Variants in SLC29A2 observed in about 807,000 individuals in gnomAD.
The protein encoded by SLC29A2 is equilibrative nucleoside transporter 2.
A neutral mutation model predicts 48.8 loss-of-function variants in SLC29A2; 37 were observed. The observed-to-expected ratio is 0.76, with a 90% CI of 0.58 to 1.00. SLC29A2 has a LOEUF of 1.00. Ranked by LOEUF, SLC29A2 falls within the 50% of genes least tolerant of loss-of-function variation. The pLI is 0.00. For missense variants in SLC29A2, 533 were observed against 578.6 expected, an observed-to-expected ratio of 0.92 and a Z score of 0.81; for synonymous variants, 233 against 261.7, an observed-to-expected ratio of 0.89 and a Z score of 1.06.
rs200329495 is a variant in SLC29A2 at position 66,371,304 on chromosome 11, G to C, written c.51C>G (p.Ser17Arg). The stretch of plus-strand genomic sequence containing the variant: ...GGGTGCCCAGCCCCAGGATGAAGAA[G>C]CTGATCCCGACCAGGTGGTAGCTGT... ...PRDSYHLVGI[S>R]FFILGLGTLL... Residue 17 changes from serine to arginine, a missense_variant, in exon 2 of 12, where the codon AGC becomes AGG. Ser to Arg is a moderately radical substitution (Grantham distance 110). Coordinates refer to ENST00000357440, the MANE Select transcript of SLC29A2 (RefSeq NM_001532.3). 7 of 1,613,910 alleles carry C rather than the reference G, an allele frequency of 4.3e-6. No homozygotes were observed. Among genetic ancestry groups the C allele is most frequent in the Non-Finnish European group, 5.9e-6 (7 of 1,180,018 alleles).
At position 66,368,650 on chromosome 11, in the gene SLC29A2, C is replaced by G; in HGVS notation, c.437G>C (p.Gly146Ala). 1 of 1,600,712 alleles carries G rather than the reference C, an allele frequency of 6.2e-7. No homozygotes were observed. The highest frequency in any genetic ancestry group is 8.5e-7 in the Non-Finnish European group (1 of 1,173,892). Residue 146 changes from glycine (G) to alanine (A), a missense_variant, in exon 5 of 12, where the codon GGC (glycine) becomes GCC (alanine). Gly to Ala is a moderately conservative substitution (Grantham distance 60). Coordinates refer to ENST00000357440, the MANE Select transcript of SLC29A2 (RefSeq NM_001532.3). ...FINSFSAVLQ[G>A]SLFGQLGTMP... is the part of the protein sequence containing the mutation. The stretch of plus-strand genomic sequence containing the variant: ...GGTGCCCAGCTGCCCGAAGAGGCTG[C>G]CCTGTAGGACTGCACTGAAGGCTGT...
chr11:66,365,914 C>A, intron 10 of SLC29A2, 22 bp downstream of exon 10: 1 of 1,608,000 alleles, frequency 6.2e-7, no homozygotes, highest in South Asian at 1.1e-5. Flanking sequence ...AACATCGGAT[C>A]ACCCAGCCCT....
rs146288730 is a variant in SLC29A2, at chr11:66,369,130, C to T, written c.345G>A (p.Ala115=). Residue 115 remains alanine (A), a synonymous_variant, in exon 4 of 12, where the codon GCG becomes GCA. Transcript: ENST00000357440. ...AILLLFALTA[A]LVKVDMSPGP... is the part of the protein sequence containing the mutation. ...CGGGGCTCATGTCCACCTTGACCAG[C>T]GCTGCTGTCAGGGCAAAGAGCAGCA... 79 of 1,588,278 alleles carry T rather than the reference C, an allele frequency of 5.0e-5. 2 individuals carry two copies. In the East Asian group the frequency reaches 5.5e-4, roughly 11 times the overall value.
intron 3 of SLC29A2, 44 bp downstream of exon 3, chr11:66,369,325 A>G (rs763074741): frequency 3.1e-6 from 5 of 1,612,490 alleles, no homozygotes; most frequent in East Asian, 4.5e-5. Flanking sequence ...GCCTCAATGA[A>G]GCTGCCTCGG....
Position 66,364,315 on chromosome 11 carries a change from A to G in SLC29A2, c.1169T>C (p.Phe390Ser). Residue 390 changes from phenylalanine (F) to serine (S), a missense_variant, in exon 11 of 12, where the codon TTC becomes TCC. By Grantham distance (155) the Phe-to-Ser change is radical. Transcript: ENST00000357440. ...VPQRSRLPIL[F>S]PQDAYFITFM... is the part of the protein sequence containing the mutation. ...GGTGATGAAGTAGGCATCCTGTGGG[A>G]AGAGGATGGGCAGCCGGGACCTCTG... 1 of 1,613,608 alleles carries G rather than the reference A, an allele frequency of 6.2e-7. No individual in the cohort carries two copies. Among genetic ancestry groups the G allele is most frequent in the East Asian group, 2.2e-5 (1 of 44,846 alleles).
chr11:66,370,461 C>T (rs1041935636), intron 2 of SLC29A2, among the ~76,000 whole-genome samples: 2 of 152,234 alleles, frequency 1.3e-5, no homozygotes, highest in African/African-American at 4.8e-5. Flanking sequence ...AACCCGGTCC[C>T]AAAGACAATG....
In SLC29A2 at chr11:66,369,190, C is replaced by T. The variant is rs1042219704; in HGVS notation, c.285G>A (p.Glu95=). ...LNSFLYQCVP[E]TVRILGSLLA... ...GCAGGCTGCCCAGAATGCGCACCGT[C>T]TCCGGGACGCTGCTCAGAAGCAGGC... Residue 95 remains glutamate, a synonymous_variant, in exon 4 of 12, where the codon GAG becomes GAA. Coordinates refer to ENST00000357440, the MANE Select transcript of SLC29A2 (RefSeq NM_001532.3). 6.4e-7 allele frequency: 1 copy of T among 1,574,480 alleles called. No individual in the cohort carries two copies. Among genetic ancestry groups the T allele is most frequent in the Non-Finnish European group, 8.6e-7 (1 of 1,160,450 alleles).
At chr11:66,367,580 C>T in intron 6 of SLC29A2, 32 bp from the exon 7 acceptor site, 1 of 1,609,028 alleles carries the variant, frequency 6.2e-7, no homozygotes, top group South Asian at 1.1e-5. Flanking sequence ...TTGGGCCTGC[C>T]TGGCTTGCCT....
chr11:66,368,799 T>A, intron 4 of SLC29A2, 128 bp from the exon 5 acceptor site: 1 of 1,292,174 alleles, frequency 7.7e-7, no homozygotes, highest in Admixed American at 2.0e-5. Context: ...CCCTAGGGAC[T>A]CTGAGCACTC....
chr11:66,371,942 C>T (rs752465507), upstream of SLC29A2: 15 of 363,084 alleles, frequency 4.1e-5, no homozygotes, highest in Non-Finnish European at 5.5e-5. Flanking sequence ...CCGTCCTCTC[C>T]GCGGGGGCGG....
At position 66,366,528 on chromosome 11, in the gene SLC29A2, GCTA is replaced by G. The variant is rs762057506; in HGVS notation, c.767_769del (p.Val256del). On this transcript the variant is annotated inframe_deletion, in exon 8 of 12. Coordinates refer to ENST00000357440, the MANE Select transcript of SLC29A2 (RefSeq NM_001532.3). ...CTCCAGGTCAAGATCCAGGGTCAGA[GCTA>G]CTTTCTGGGGACTACTGGGAATCCC... is the stretch of plus-strand genomic sequence containing the variant. 1 of 1,614,046 alleles carries G rather than the reference GCTA, an allele frequency of 6.2e-7. No homozygotes were observed. The highest frequency in any genetic ancestry group is 8.5e-7 in the Non-Finnish European group (1 of 1,180,024).
At position 66,369,472 on chromosome 11, in the gene SLC29A2, G is replaced by A; in HGVS notation, c.172C>T (p.His58Tyr). Residue 58 changes from histidine to tyrosine, a missense_variant, in exon 3 of 12, where the codon CAC becomes TAC. By Grantham distance (83) the His-to-Tyr change is moderately conservative. Transcript: ENST00000357440. ...NSTARILSTN[H>Y]TGPEDAFNFN... is the part of the protein sequence containing the mutation. ...TTGAAGGCATCCTCGGGACCCGTGT[G>A]GTTGGTGCTCAGGATCCTGGCTGTG... The A allele has an allele frequency of 6.2e-7, 1 of 1,614,082 alleles. No individual in the cohort carries two copies. The highest frequency in any genetic ancestry group is 8.5e-7 in the Non-Finnish European group (1 of 1,180,000).
In SLC29A2 at chr11:66,368,685, G is replaced by C. The variant is rs768946985; in HGVS notation, c.416-14C>G. ...CTGCACTGAAGGCTGTGGAGGACAGGGATGGGGGCTGCTGCTCAACTAGGC... is the reference window on the plus strand; with the variant it reads ...CTGCACTGAAGGCTGTGGAGGACAGCGATGGGGGCTGCTGCTCAACTAGGC... On this transcript the variant is annotated splice_polypyrimidine_tract_variant and intron_variant, in intron 4 of 11. Transcript: ENST00000357440. 6.3e-7 allele frequency: 1 copy of C among 1,590,316 alleles called. No individual in the cohort carries two copies. The highest frequency in any genetic ancestry group is 8.6e-7 in the Non-Finnish European group (1 of 1,168,532).
At chr11:66,364,117 G>A (rs1016788825) in intron 11 of SLC29A2, 108 bp downstream of exon 11, 34 of 947,456 alleles carry the variant, frequency 3.6e-5, no homozygotes, top group Non-Finnish European at 5.0e-5. Context: ...CTAGGGTTGG[G>A]CTGGCCAGAA....
At position 66,366,442 on chromosome 11, in the gene SLC29A2, C is replaced by G. The variant is rs979542252; in HGVS notation, c.856G>C (p.Val286Leu). 6.8e-6 allele frequency: 11 copies of G among 1,614,082 alleles called. No individual in the cohort carries two copies. The African/African-American group carries it at 1.1e-4, about 16-fold the overall frequency. ...TATCCAAGCCAAACCTTCTGGAAGACAGTGAAGACTGAAGGTTTTCCTGGC... is the reference window on the plus strand; with the variant it reads ...TATCCAAGCCAAACCTTCTGGAAGAGAGTGAAGACTGAAGGTTTTCCTGGC... Reference protein sequence around the residue: ...QKPGKPSVFTVFQKIWLTALC... With the variant: ...QKPGKPSVFTLFQKIWLTALC... Residue 286 changes from valine to leucine, a missense_variant, in exon 8 of 12, where the codon GTC (valine) becomes CTC (leucine). Val to Leu is a conservative substitution (Grantham distance 32). Coordinates refer to ENST00000357440, the MANE Select transcript of SLC29A2 (RefSeq NM_001532.3).
chr11:66,363,684 T>C, intron 11 of SLC29A2, 137 bp from the exon 12 acceptor site: 1 of 709,734 alleles, frequency 1.4e-6, no homozygotes, highest in Non-Finnish European at 2.6e-6. Context: ...TTTCCGGGCC[T>C]CAGTTTCCTG....
chr11:66,368,438 A>C, intron 5 of SLC29A2, 99 bp downstream of exon 5: 1 of 1,515,698 alleles, frequency 6.6e-7, no homozygotes, highest in Non-Finnish European at 9.1e-7. Flanking sequence ...GCTTACCTCC[A>C]TCTTCACCCA....
chr11:66,371,672 C>T lies in SLC29A2; in HGVS notation c.-81G>A, dbSNP rs900578390. The T allele has an allele frequency of 2.8e-6, 4 of 1,418,188 alleles. No individual in the cohort carries two copies. The African/African-American group carries it at 4.3e-5, about 15-fold the overall frequency. The allele number at this position is 1,418,188 out of a possible 1,614,324, so 87.9% of individuals were successfully genotyped here. On this transcript the variant is annotated 5_prime_UTR_variant, in exon 1 of 12. Transcript: ENST00000357440. ...CTGCGCTGGGGCGGAGGGCCGCAGACCGGTGGGGCGGGGGGCGGGTCTCCC... is the reference window on the plus strand; with the variant it reads ...CTGCGCTGGGGCGGAGGGCCGCAGATCGGTGGGGCGGGGGGCGGGTCTCCC...
chr11:66,371,358 ACGCACCCGCCTCCGCAGG>A (rs748402328), intron 1 of SLC29A2, 33 bp from the exon 2 acceptor site: 63 of 1,604,672 alleles, frequency 3.9e-5, no homozygotes, highest in Non-Finnish European at 5.3e-5. Flanking sequence ...CACCCCGAGG[ACGCACCCGCCTCCGCAGG>A]CCCTCCCGCC....
Sources: gnomAD v4.1 joint callset for allele counts (sites outside exome capture counted in the v4.1 genomes callset) on GRCh38, gnomAD v4.1.1 for gene constraint, MANE v1.5 for transcripts, NCBI Gene and HGNC (gene_info 2026-07-23, HGNC 2026-07-21) for gene names.